Variants in ATAD2B observed in about 807,000 individuals in gnomAD.
ATAD2B encodes ATPase family AAA domain containing 2B.
In ATAD2B, 40 loss-of-function variants were observed where a neutral mutation model predicts 167.6. The ratio of observed to expected loss-of-function variants is 0.24; its 90% confidence interval spans 0.19 to 0.31. The LOEUF is 0.31. Among genes scored for constraint, ATAD2B ranks in the 10% least tolerant of loss-of-function variants. The pLI, the probability that ATAD2B is intolerant of heterozygous loss-of-function variation, is 1.00. For synonymous variants in ATAD2B, 579 were observed against 596.5 expected (o/e 0.97, Z 0.43); for missense variants, 1,242 against 1,757.2 (o/e 0.71, Z 5.24).
chr2:23,686,175 G>A, the ATAD2B span, among the ~76,000 whole-genome samples: 1 of 152,174 alleles, frequency 6.6e-6, no homozygotes, highest in Non-Finnish European at 1.5e-5. Context: ...CCCTCCAGAG[G>A]GGGCTGCACT....
At position 23,754,294 on chromosome 2, in the gene ATAD2B, A is replaced by G. The variant is rs1675694498; in HGVS notation, c.4220T>C (p.Leu1407Ser). ...DRERLKKLLD[L>S]LVDKSNNLAV... ...CAGATTGTTGCTTTTATCCACCAAC[A>G]AATCAAGCAATTTCTAAGAAAAAAC... is the stretch of plus-strand genomic sequence containing the variant. The change falls in exon 27 of 28, where the codon TTG (leucine) becomes TCG (serine). Residue 1407 changes from leucine to serine, a missense_variant. Transcript: ENST00000238789. The G allele has an allele frequency of 2.6e-6, 4 of 1,551,452 alleles. No homozygotes were observed. In the East Asian group the frequency reaches 7.0e-5, roughly 27 times the overall value.
the ATAD2B span, chr2:23,703,388 C>A: frequency 1.4e-6 from 2 of 1,480,380 alleles, no homozygotes; most frequent in Non-Finnish European, 1.8e-6. Context: ...TGGTGAGAAC[C>A]AGCGGTGTCC....
the ATAD2B span, among the ~76,000 whole-genome samples, chr2:23,721,241 C>G: frequency 6.6e-6 from 1 of 152,200 alleles, no homozygotes. Flanking sequence ...CTCAGGTGCC[C>G]CACCCCATGC....
intron 22 of ATAD2B, among the ~76,000 whole-genome samples, chr2:23,771,630 G>GT (rs1003894563): frequency 6.6e-6 from 1 of 152,070 alleles, no homozygotes; most frequent in African/African-American, 2.4e-5. Context: ...TGGCCTATAT[G>GT]TTTTTTGTTC....
intron 22 of ATAD2B, among the ~76,000 whole-genome samples, chr2:23,771,066 T>C (rs973388834): frequency 6.6e-6 from 1 of 152,256 alleles, no homozygotes; most frequent in African/African-American, 2.4e-5. Context: ...GATTTATCTA[T>C]ATTTCATGTT....
At chr2:23,724,846 A>G in the ATAD2B span, among the ~76,000 whole-genome samples, 2 of 152,136 alleles carry the variant, frequency 1.3e-5, no homozygotes, top group Admixed American at 1.3e-4. Context: ...GATCAAGACC[A>G]TCCTGGCTAA....
At position 23,823,359 on chromosome 2, in the gene ATAD2B, G is replaced by A. The variant is rs751607473; in HGVS notation, c.2030C>T (p.Pro677Leu). 9 of 1,613,782 alleles carry A rather than the reference G, an allele frequency of 5.6e-6. No homozygotes were observed. In the South Asian group the frequency reaches 7.7e-5, roughly 14 times the overall value. ...AVMSSGHALSPIIRPLLERSF... is the reference protein window; with the variant it reads ...AVMSSGHALSLIIRPLLERSF... ...TCTTTCCAGCAGTGGTCTTATGATG[G>A]GGGATAGTGCATGCCCTGAAGACAT... The change falls in exon 16 of 28, where the codon CCC (proline) becomes CTC (leucine). Residue 677 changes from proline to leucine, a missense_variant. By Grantham distance (98) the Pro-to-Leu change is moderately conservative. Around this residue, in one of 9 missense-constraint regions of ATAD2B, gnomAD observed 145 missense variants for 181.9 expected, o/e 0.80. Transcript: ENST00000238789.
intron 15 of ATAD2B, among the ~76,000 whole-genome samples, chr2:23,827,133 A>G (rs1377817755): frequency 6.6e-6 from 1 of 152,156 alleles, no homozygotes; most frequent in Non-Finnish European, 1.5e-5. Flanking sequence ...ATGTCATAAC[A>G]AAAAACAGAA....
chr2:23,847,577 G>C lies in ATAD2B; in HGVS notation c.1568+9838C>G, dbSNP rs1460968642. On this transcript the variant is annotated intron_variant, in intron 13 of 27. Transcript: ENST00000238789. ...AGCTATTTGGGAGGCTAAGGTGGGAGGATCAGTCGAGGCTGCAGGGAGCCA... is the reference window on the plus strand; with the variant it reads ...AGCTATTTGGGAGGCTAAGGTGGGACGATCAGTCGAGGCTGCAGGGAGCCA... Among the ~76,000 whole-genome samples the C allele has an allele frequency of 3.3e-5, 5 of 152,008 alleles. No homozygotes were observed. In the East Asian group the frequency reaches 9.6e-4, roughly 29 times the overall value.
At chr2:23,680,908 C>T in the ATAD2B span, among the ~76,000 whole-genome samples, 1 of 152,192 alleles carries the variant, frequency 6.6e-6, no homozygotes, top group Non-Finnish European at 1.5e-5. This position sits in a 1 kb window ranked among gnomAD's most constrained non-coding sequence, Gnocchi z 4.1. Flanking sequence ...GACCCAGCCC[C>T]GAGGCCTGCA....
the ATAD2B span, among the ~76,000 whole-genome samples, chr2:23,698,695 A>T: frequency 6.6e-6 from 1 of 151,862 alleles, no homozygotes; most frequent in Non-Finnish European, 1.5e-5. Flanking sequence ...TTTTATAGCA[A>T]TATATTGCAG....
At chr2:23,705,319 C>T in the ATAD2B span, among the ~76,000 whole-genome samples, 1 of 152,090 alleles carries the variant, frequency 6.6e-6, no homozygotes, top group African/African-American at 2.4e-5. Flanking sequence ...GGTGAAACCC[C>T]GTCTCTACTA....
chr2:23,792,008 C>A (rs116505682), intron 19 of ATAD2B, among the ~76,000 whole-genome samples: 3,409 of 152,108 alleles, frequency 0.022, 136 homozygotes, highest in African/African-American at 0.078. Flanking sequence ...AAAAGGTTCT[C>A]CTTTTTCCAC....
chr2:23,708,756 A>C, the ATAD2B span: 6 of 152,180 alleles, frequency 3.9e-5, no homozygotes, highest in East Asian at 1.2e-3. Flanking sequence ...ATATTGAGGG[A>C]AGGTTTAGAG....
At chr2:23,921,854 A>G (rs1703978942) in intron 1 of ATAD2B, among the ~76,000 whole-genome samples, 2 of 152,174 alleles carry the variant, frequency 1.3e-5, no homozygotes, top group Non-Finnish European at 2.9e-5. Flanking sequence ...CTCTGTTCTG[A>G]TGAACTTATA....
chr2:23,798,458 T>C lies in ATAD2B; in HGVS notation c.2455-135A>G, dbSNP rs1161491724. On this transcript the variant is annotated intron_variant, in intron 18 of 27. Transcript: ENST00000238789. ...TCAGCCTCAAAATTTAAGTTCAAGA[T>C]ATGATGCACAAGCCTTACACAGCTT... The C allele has an allele frequency of 2.4e-5, 15 of 627,358 alleles. No individual in the cohort carries two copies. In the East Asian group the frequency reaches 3.2e-4, roughly 14 times the overall value. 38.9% of individuals were successfully genotyped at this position (627,358 alleles called of 1,614,324 possible).
downstream of ATAD2B, among the ~76,000 whole-genome samples, chr2:23,746,123 CT>C (rs1352687437): frequency 6.6e-6 from 1 of 152,204 alleles, no homozygotes; most frequent in Admixed American, 6.5e-5. Context: ...CATGCTCCTC[CT>C]CTGTATACCT....
the ATAD2B span, chr2:23,696,159 G>A: frequency 1.9e-6 from 3 of 1,544,984 alleles, no homozygotes; most frequent in Admixed American, 2.0e-5. The surrounding 1 kb of genome is among the most constrained non-coding windows in gnomAD (Gnocchi z 5.5). Flanking sequence ...GTTGGGGCGG[G>A]ACCAGGCATG....
intron 10 of ATAD2B, 21 bp from the exon 11 acceptor site, chr2:23,864,945 T>A (rs1489851861): frequency 7.2e-7 from 1 of 1,391,224 alleles, no homozygotes; most frequent in Admixed American, 2.5e-5. Context: ...AGGGGAAAAA[T>A]TTGATATCAA....
Sources: gnomAD v4.1 joint callset for allele counts (sites outside exome capture counted in the v4.1 genomes callset) on GRCh38, gnomAD v4.1.1 for gene constraint, gnomAD v4.1.1 regional missense constraint, Gnocchi (gnomAD v3.1) non-coding constraint, MANE v1.5 for transcripts, NCBI Gene and HGNC (gene_info 2026-07-23, HGNC 2026-07-21) for gene names.